Variants in RIMS1 observed in about 807,000 individuals in gnomAD.
RIMS1 encodes the protein regulating synaptic membrane exocytosis protein 1.
Under a neutral mutation model 214.1 loss-of-function variants are expected in RIMS1, and 83 were observed. That is an observed-to-expected ratio of 0.39 (90% CI 0.32 to 0.47). The LOEUF (loss-of-function observed/expected upper bound fraction) is 0.47, where lower values mean the gene tolerates loss of function less well. Among genes scored for constraint, RIMS1 ranks in the 20% least tolerant of loss-of-function variants. The probability of loss-of-function intolerance (pLI) is 0.99; values close to 1 mark genes in which losing one functional copy is unlikely to be tolerated. For missense variants in RIMS1, 2,050 were observed against 2,161.8 expected (o/e 0.95, Z 1.03); for synonymous variants, 793 against 786.8 (o/e 1.01, Z -0.13).
intron 1 of RIMS1, among the ~76,000 whole-genome samples, chr6:71,898,619 G>C (rs1772610607): frequency 6.6e-6 from 1 of 152,098 alleles, no homozygotes; most frequent in African/African-American, 2.4e-5. Flanking sequence ...GCAAATACCT[G>C]TACCTAAAGC....
In RIMS1 at chr6:72,090,884, G is replaced by A. The variant is rs572861471; in HGVS notation, c.246-6065G>A. On this transcript the variant is annotated intron_variant, in intron 2 of 33. Coordinates refer to ENST00000521978, the MANE Select transcript of RIMS1 (RefSeq NM_014989.7). ...TAGGGCTCCCTCTTGGACAACCCCCGTGTTTTTTGGAGGCTCTTAATCAGT... is the reference window on the plus strand; with the variant it reads ...TAGGGCTCCCTCTTGGACAACCCCCATGTTTTTTGGAGGCTCTTAATCAGT... Among the ~76,000 whole-genome samples, 10 of 152,210 alleles carry A rather than the reference G, an allele frequency of 6.6e-5. No homozygotes were observed. The South Asian group carries it at 8.3e-4, about 13-fold the overall frequency.
intron 2 of RIMS1, among the ~76,000 whole-genome samples, chr6:72,007,439 A>G (rs1184813720): frequency 1.3e-5 from 2 of 152,256 alleles, no homozygotes; most frequent in African/African-American, 4.8e-5. Context: ...AAAGGAATGC[A>G]GCTCCTCACC....
chr6:71,930,939 C>A (rs953681360), intron 1 of RIMS1, among the ~76,000 whole-genome samples: 6 of 151,936 alleles, frequency 3.9e-5, no homozygotes, highest in African/African-American at 1.2e-4. Context: ...TCATATTGAC[C>A]CTTTTATATT....
chr6:71,983,016 C>CT (rs541252153), intron 2 of RIMS1, among the ~76,000 whole-genome samples: 18 of 152,078 alleles, frequency 1.2e-4, no homozygotes, highest in Non-Finnish European at 2.6e-4. Context: ...TTTGCCACTG[C>CT]TTGTTTTAAT....
At chr6:71,962,768 T>C (rs553719646) in intron 1 of RIMS1, among the ~76,000 whole-genome samples, 2 of 152,186 alleles carry the variant, frequency 1.3e-5, no homozygotes, top group Non-Finnish European at 2.9e-5. Context: ...AAAATATATA[T>C]TTGAAGATAT....
chr6:72,250,876 A>G, intron 13 of RIMS1, 45 bp from the exon 14 acceptor site: 1 of 1,093,282 alleles, frequency 9.1e-7, no homozygotes, highest in Non-Finnish European at 1.3e-6. Flanking sequence ...AGTAGATGGC[A>G]GCATGTACTT....
intron 2 of RIMS1, among the ~76,000 whole-genome samples, chr6:72,017,598 T>C (rs1270718889): frequency 6.6e-6 from 1 of 152,252 alleles, no homozygotes; most frequent in African/African-American, 2.4e-5. Flanking sequence ...TCAGAGCATT[T>C]ATTATGTATT....
At chr6:72,125,216 T>A (rs1325033146) in intron 4 of RIMS1, among the ~76,000 whole-genome samples, 2 of 152,198 alleles carry the variant, frequency 1.3e-5, no homozygotes, top group African/African-American at 4.8e-5. Context: ...TTTTTGTTAG[T>A]TTTCCTTCTA....
intron 1 of RIMS1, among the ~76,000 whole-genome samples, chr6:71,913,852 A>G (rs1301648273): frequency 8.5e-5 from 13 of 152,072 alleles, no homozygotes; most frequent in Admixed American, 8.5e-4. Flanking sequence ...AGCTGGGGTT[A>G]GGGTAAGAAG....
rs777619187 is a variant in RIMS1, at chr6:72,182,944, G to A, written c.1473G>A (p.Lys491=). ...AVLMRKAKRE[K]VETMLRNDSL... is the part of the protein sequence containing the mutation. ...TCATGCGGAAGGCCAAGCGCGAGAA[G>A]GTGGAGACCATGCTGCGGAACGACT... is the stretch of plus-strand genomic sequence containing the variant. The change falls in exon 6 of 34, where the codon AAG becomes AAA. Residue 491 remains lysine (K), a synonymous_variant. Transcript: ENST00000521978. 2 of 1,590,436 alleles carry A rather than the reference G, an allele frequency of 1.3e-6. No individual in the cohort carries two copies. Among genetic ancestry groups the A allele is most frequent in the South Asian group, 1.1e-5 (1 of 87,250 alleles).
chr6:72,073,786 A>G (rs1465722748), intron 2 of RIMS1, among the ~76,000 whole-genome samples: 1 of 152,158 alleles, frequency 6.6e-6, no homozygotes, highest in African/African-American at 2.4e-5. Flanking sequence ...TCTCTGGTCC[A>G]TGGTTCCCTC....
chr6:71,886,901 C>G lies in RIMS1; in HGVS notation c.-123C>G. ...GCTGCTGCTGCCGCCGCCGCCGCTG[C>G]TCCTCCTCCTGCCGCCGCCGCTAGG... On this transcript the variant is annotated 5_prime_UTR_variant, in exon 1 of 34. Coordinates refer to ENST00000521978, the MANE Select transcript of RIMS1 (RefSeq NM_014989.7). 1 of 1,128,942 alleles carries G rather than the reference C, an allele frequency of 8.9e-7. No individual in the cohort carries two copies. The highest frequency in any genetic ancestry group is 1.5e-5 in the South Asian group (1 of 67,364). The allele number at this position is 1,128,942 out of a possible 1,614,324, so 69.9% of individuals were successfully genotyped here.
intron 1 of RIMS1, among the ~76,000 whole-genome samples, chr6:71,889,158 C>T (rs1391108550): frequency 1.3e-5 from 2 of 152,084 alleles, no homozygotes; most frequent in Admixed American, 6.5e-5. Flanking sequence ...TTGCCAGAGT[C>T]CGGATAGGAA....
At chr6:72,378,123 C>T (rs372953339) in intron 29 of RIMS1, among the ~76,000 whole-genome samples, 1 of 152,174 alleles carries the variant, frequency 6.6e-6, no homozygotes, top group African/African-American at 2.4e-5. Context: ...GTACCTGATG[C>T]TGTGATTTTG....
chr6:71,935,985 G>A (rs1254471524), intron 1 of RIMS1, among the ~76,000 whole-genome samples: 1 of 152,150 alleles, frequency 6.6e-6, no homozygotes, highest in Non-Finnish European at 1.5e-5. Flanking sequence ...TCATATCTCA[G>A]AAAGAAAATA....
Position 72,197,111 on chromosome 6 carries a change from C to T in RIMS1, c.1678+13962C>T, listed in dbSNP as rs575783542. Among the ~76,000 whole-genome samples, 10 of 152,176 alleles carry T rather than the reference C, an allele frequency of 6.6e-5. No homozygotes were observed. In the East Asian group the frequency reaches 1.9e-3, roughly 29 times the overall value. ...GAGTAGGTGCCTCCCCACTGTGGAA[C>T]CCCCATCCATACCATCCTAAAGTTG... On this transcript the variant is annotated intron_variant, in intron 6 of 33. Transcript: ENST00000521978.
intron 19 of RIMS1, chr6:72,263,598 A>C: frequency 1.0e-6 from 1 of 985,410 alleles, no homozygotes; most frequent in Non-Finnish European, 1.2e-6. Flanking sequence ...GAAAAGTTTT[A>C]TAGCAACCTA....
chr6:72,221,324 T>TGTGTGTGTGA lies in RIMS1; in HGVS notation c.1679-12449_1679-12448insGTGTGTGTGA, dbSNP rs1562705390. ...TGTGTGTGTGTGTGTGTGTGTGTGA[T>TGTGTGTGTGA]TTTTTTTTTCTCATTAAAACTATTA... On this transcript the variant is annotated intron_variant, in intron 6 of 33. Transcript: ENST00000521978. 3.9e-3 allele frequency among the ~76,000 whole-genome samples: 547 copies of TGTGTGTGTGA among 140,332 alleles called. 7 individuals are homozygous for TGTGTGTGTGA. Among genetic ancestry groups the TGTGTGTGTGA allele is most frequent in the African/African-American group, 0.015 (513 of 35,366 alleles). The allele number at this position is 140,332 out of a possible 152,430, so 92.1% of individuals were successfully genotyped here.
intron 2 of RIMS1, among the ~76,000 whole-genome samples, chr6:71,974,212 G>A (rs1020145103): frequency 6.6e-6 from 1 of 152,028 alleles, no homozygotes; most frequent in Non-Finnish European, 1.5e-5. Context: ...TATTTAAAAT[G>A]GATGCCAAGG....
Sources: gnomAD v4.1 joint callset for allele counts (sites outside exome capture counted in the v4.1 genomes callset) on GRCh38, gnomAD v4.1.1 for gene constraint, MANE v1.5 for transcripts, NCBI Gene and HGNC (gene_info 2026-07-23, HGNC 2026-07-21) for gene names.